The following SEL1L3 variants were observed in gnomAD, a reference collection of about 807,000 sequenced individuals.
SEL1L3 encodes SEL1L family member 3.
In SEL1L3, 76 loss-of-function variants were observed where a neutral mutation model predicts 142.8. The observed-to-expected ratio is 0.53, with a 90% confidence interval of 0.44 to 0.64. The LOEUF (loss-of-function observed/expected upper bound fraction) is 0.64. SEL1L3 is among the 30% of genes least tolerant of loss of function. The probability of loss-of-function intolerance (pLI) is 0.00; values close to 1 mark genes in which losing one functional copy is unlikely to be tolerated. For synonymous variants in SEL1L3, 504 were observed against 519.6 expected, an observed-to-expected ratio of 0.97 and a Z score of 0.41; for missense variants, 1,262 against 1,381.7, an observed-to-expected ratio of 0.91 and a Z score of 1.37.
the SEL1L3 span, among the ~76,000 whole-genome samples, chr4:25,728,986 G>A: frequency 6.6e-6 from 1 of 152,164 alleles, no homozygotes; most frequent in African/African-American, 2.4e-5. Flanking sequence ...TGACAAGATG[G>A]AAGGTCAGTC....
At chr4:25,763,320 A>G (rs1718507460) in intron 20 of SEL1L3, among the ~76,000 whole-genome samples, 1 of 152,198 alleles carries the variant, frequency 6.6e-6, no homozygotes, top group African/African-American at 2.4e-5. Flanking sequence ...ATGTCCACTG[A>G]GTGTACTTGG....
At chr4:25,741,108 CTT>C in the SEL1L3 span, among the ~76,000 whole-genome samples, 24 of 124,988 alleles carry the variant, frequency 1.9e-4, no homozygotes, top group Admixed American at 1.7e-4. Context: ...TGCTTTCTTT[CTT>C]TTTTTTTTTT....
rs1225950135 is a variant in SEL1L3, at chr4:25,751,708, AGTATATAT to A, written c.3260-3152_3260-3145del. 2.5e-4 allele frequency among the ~76,000 whole-genome samples: 38 copies of A among 150,118 alleles called. No homozygotes were observed. The East Asian group carries it at 7.2e-3, about 28-fold the overall frequency. The stretch of plus-strand genomic sequence containing the variant: ...TAAGTATATATTCTTTATATATATA[AGTATATAT>A]GATGAAGATCAAGACATTGACTAAT... On this transcript the variant is annotated intron_variant, in intron 23 of 23. Transcript: ENST00000399878.
intron 21 of SEL1L3, among the ~76,000 whole-genome samples, chr4:25,758,269 G>A (rs1317475065): frequency 6.6e-6 from 1 of 152,076 alleles, no homozygotes; most frequent in Non-Finnish European, 1.5e-5. Context: ...CCAGGAGTTC[G>A]AGACCAGCCT....
intron 1 of SEL1L3, among the ~76,000 whole-genome samples, chr4:25,849,407 G>A (rs555639925): frequency 1.2e-4 from 18 of 152,250 alleles, no homozygotes; most frequent in African/African-American, 4.1e-4. Flanking sequence ...AGGAGATGAG[G>A]CTAAGGAAAA....
chr4:25,767,929 T>A, intron 17 of SEL1L3, 99 bp from the exon 18 acceptor site: 1 of 747,382 alleles, frequency 1.3e-6, no homozygotes, highest in Non-Finnish European at 2.2e-6. Context: ...AAATAAGCAG[T>A]TTTTTTAAAA....
Position 25,851,612 on chromosome 4 carries a change from C to T in SEL1L3, c.163-3748G>A, listed in dbSNP as rs573776683. ...ACTGTCCTAAAAGGTCAAAGTGGGC[C>T]GGGCATGGTGGATCACGCCTGTAAT... On this transcript the variant is annotated intron_variant, in intron 1 of 23. Transcript: ENST00000399878. 2.1e-4 allele frequency among the ~76,000 whole-genome samples: 32 copies of T among 151,728 alleles called. No individual in the cohort carries two copies. In the South Asian group the frequency reaches 6.5e-3, roughly 31 times the overall value.
chr4:25,805,131 A>G (rs374097870), intron 9 of SEL1L3, among the ~76,000 whole-genome samples: 2 of 152,236 alleles, frequency 1.3e-5, no homozygotes, highest in East Asian at 1.9e-4. Flanking sequence ...TTTATCTCAC[A>G]AACAGTTCTT....
At position 25,808,372 on chromosome 4, in the gene SEL1L3, T is replaced by C. The variant is rs546851689; in HGVS notation, c.1565-3620A>G. On this transcript the variant is annotated intron_variant, in intron 9 of 23. Transcript: ENST00000399878. ...CCCAGAATCATTTATTTTGCTTTTTTCCCCTTTTTCACAGTAATATCATAA... is the reference window on the plus strand; with the variant it reads ...CCCAGAATCATTTATTTTGCTTTTTCCCCCTTTTTCACAGTAATATCATAA... Among the ~76,000 whole-genome samples the C allele has an allele frequency of 3.3e-5, 5 of 152,316 alleles. No homozygotes were observed. The East Asian group carries it at 5.8e-4, about 18-fold the overall frequency.
chr4:25,798,795 T>C (rs1221203754), intron 11 of SEL1L3, among the ~76,000 whole-genome samples: 1 of 151,848 alleles, frequency 6.6e-6, no homozygotes, highest in Non-Finnish European at 1.5e-5. Flanking sequence ...GCCACTGCAC[T>C]CCAGCCTGGG....
intron 9 of SEL1L3, among the ~76,000 whole-genome samples, chr4:25,809,012 G>T (rs548351216): frequency 6.8e-6 from 1 of 146,424 alleles, no homozygotes; most frequent in East Asian, 2.1e-4. Flanking sequence ...GGCAGAGCTT[G>T]CAGTGAGCCG....
At position 25,823,916 on chromosome 4, in the gene SEL1L3, G is replaced by A. The variant is rs148288327; in HGVS notation, c.1158-1788C>T. 3.9e-3 allele frequency among the ~76,000 whole-genome samples: 594 copies of A among 152,286 alleles called. 1 individual carries two copies. Among genetic ancestry groups the A allele is most frequent in the African/African-American group, 0.013 (551 of 41,548 alleles). On this transcript the variant is annotated intron_variant, in intron 6 of 23. Coordinates refer to ENST00000399878, the MANE Select transcript of SEL1L3 (RefSeq NM_015187.5). ...GCAAACAACCCAAGCCCTAGCAGGT[G>A]CACCTGGCCAGGGAGGAGGCATGAG...
intron 13 of SEL1L3, among the ~76,000 whole-genome samples, chr4:25,785,311 C>T (rs1711721411): frequency 6.6e-6 from 1 of 152,204 alleles, no homozygotes; most frequent in African/African-American, 2.4e-5. Flanking sequence ...ATCAACTCTA[C>T]CTGAGGTGCT....
downstream of SEL1L3, among the ~76,000 whole-genome samples, chr4:25,744,612 C>T (rs114869046): frequency 4.4e-3 from 665 of 152,244 alleles, 7 homozygotes; most frequent in African/African-American, 0.015. Flanking sequence ...CCTCTGCCTC[C>T]GAAAGTGCTG....
At chr4:25,814,307 G>C (rs1334271833) in intron 9 of SEL1L3, among the ~76,000 whole-genome samples, 1 of 152,098 alleles carries the variant, frequency 6.6e-6, no homozygotes, top group African/African-American at 2.4e-5. Context: ...TGGCTCGTAG[G>C]GGGCACTCAG....
At chr4:25,741,766 A>G in the SEL1L3 span, among the ~76,000 whole-genome samples, 2 of 151,674 alleles carry the variant, frequency 1.3e-5, no homozygotes, top group African/African-American at 4.8e-5. Context: ...ATCTTTTGTC[A>G]TTCAAAATGT....
intron 11 of SEL1L3, among the ~76,000 whole-genome samples, chr4:25,791,028 T>C (rs1712298563): frequency 6.6e-6 from 1 of 152,262 alleles, no homozygotes; most frequent in Admixed American, 6.5e-5. Flanking sequence ...GTATTTGCCT[T>C]GAGAAACCGA....
chr4:25,846,806 G>A (rs1716538855), intron 2 of SEL1L3, among the ~76,000 whole-genome samples: 3 of 151,666 alleles, frequency 2.0e-5, no homozygotes, highest in Non-Finnish European at 2.9e-5. Flanking sequence ...CTACTCGGGA[G>A]GCTGAGGCAG....
intron 13 of SEL1L3, among the ~76,000 whole-genome samples, chr4:25,787,096 A>T (rs1363869199): frequency 4.6e-5 from 7 of 152,216 alleles, no homozygotes. Flanking sequence ...GGGGATGATG[A>T]ACACAGACTG....
Sources: allele counts gnomAD v4.1 joint callset (sites outside exome capture counted in the v4.1 genomes callset), GRCh38; gene constraint gnomAD v4.1.1; transcripts MANE v1.5; gene names NCBI Gene and HGNC (gene_info 2026-07-23, HGNC 2026-07-21).